ECSIT: variants seen among roughly 807,000 people sequenced by gnomAD.
ECSIT encodes evolutionarily conserved signaling intermediate in Toll pathway, mitochondrial.
In ECSIT, 29 loss-of-function variants were observed where a neutral mutation model predicts 36.8. The ratio of observed to expected loss-of-function variants is 0.79; its 90% CI spans 0.59 to 1.08. ECSIT has a LOEUF of 1.08. Among genes scored for constraint, ECSIT ranks in the 50% least tolerant of loss-of-function variants. The pLI is 0.00. For missense variants in ECSIT, 542 were observed against 581.0 expected (o/e 0.93, Z 0.69); for synonymous variants, 231 against 234.8 (o/e 0.98, Z 0.15).
rs1971935967 is a variant in ECSIT at position 11,514,089 on chromosome 19, C to T, written c.229G>A (p.Gly77Arg). 1 of 1,614,022 alleles carries T rather than the reference C, an allele frequency of 6.2e-7. No homozygotes were observed. Among genetic ancestry groups the T allele is most frequent in the South Asian group, 1.1e-5 (1 of 91,092 alleles). ...KALVPFEDLF[G>R]QAPGGERDKA... is the part of the protein sequence containing the mutation. ...TCCCGTTCCCCACCAGGCGCCTGCC[C>T]AAACAGGTCCTCAAAGGGCACCAGA... Residue 77 changes from glycine (G) to arginine (R), a missense_variant, in exon 3 of 8, where the codon GGG becomes AGG. Transcript: ENST00000270517.
chr19:11,510,782 G>A (rs1971854818), intron 4 of ECSIT: 1 of 150,898 alleles, frequency 6.6e-6, no homozygotes, highest in Non-Finnish European at 1.5e-5. Flanking sequence ...TTCTGCTGCT[G>A]GTCTCAAGCC....
intron 4 of ECSIT, among the ~76,000 whole-genome samples, chr19:11,511,402 C>G (rs902972807): frequency 6.6e-6 from 1 of 152,028 alleles, no homozygotes; most frequent in Non-Finnish European, 1.5e-5. Context: ...AGGGGTGGTG[C>G]CTTGGCCAGG....
chr19:11,515,668 T>C (rs1464994332), intron 2 of ECSIT, among the ~76,000 whole-genome samples: 2 of 152,092 alleles, frequency 1.3e-5, no homozygotes, highest in Non-Finnish European at 2.9e-5. Flanking sequence ...GGAGTCTCGC[T>C]CTGTTGCCAG....
At chr19:11,514,713 G>C (rs1971954427) in intron 2 of ECSIT, among the ~76,000 whole-genome samples, 2 of 152,002 alleles carry the variant, frequency 1.3e-5, no homozygotes, top group Non-Finnish European at 2.9e-5. Flanking sequence ...GCAGAGACGG[G>C]AGTCGCACTA....
intron 7 of ECSIT, among the ~76,000 whole-genome samples, chr19:11,506,897 A>G (rs1381168155): frequency 1.3e-5 from 2 of 151,662 alleles, no homozygotes; most frequent in Admixed American, 6.6e-5. Flanking sequence ...TAGGCTGCCC[A>G]CTCCACACTT....
At chr19:11,523,568 C>T (rs976814602) in intron 1 of ECSIT, 23 of 1,045,148 alleles carry the variant, frequency 2.2e-5, no homozygotes, top group Admixed American at 1.1e-4. Context: ...CTTAGACAAG[C>T]GCCAAGCCCA....
chr19:11,508,057 G>C lies in ECSIT; in HGVS notation c.739-9C>G, dbSNP rs1971794296. On this transcript the variant is annotated splice_polypyrimidine_tract_variant and intron_variant, in intron 4 of 7. Coordinates refer to ENST00000270517, the MANE Select transcript of ECSIT (RefSeq NM_016581.5). ...TCTTTGGGCAAAGGAACCTGCAAGGGAGAGTAGGGATATAATCTTGTAACC... is the reference window on the plus strand; with the variant it reads ...TCTTTGGGCAAAGGAACCTGCAAGGCAGAGTAGGGATATAATCTTGTAACC... The C allele has an allele frequency of 1.2e-6, 2 of 1,613,906 alleles. No homozygotes were observed. The highest frequency in any genetic ancestry group is 1.7e-5 in the Admixed American group (1 of 59,958).
At chr19:11,507,938 G>A in intron 5 of ECSIT, 53 bp downstream of exon 5, 2 of 1,613,986 alleles carry the variant, frequency 1.2e-6, no homozygotes, top group South Asian at 2.2e-5. Flanking sequence ...CGAGAACCTG[G>A]CAGGGCCTGG....
At chr19:11,528,288 G>A (rs1226984804) in intron 1 of ECSIT, among the ~76,000 whole-genome samples, 1 of 152,150 alleles carries the variant, frequency 6.6e-6, no homozygotes, top group South Asian at 2.1e-4. Context: ...GTCCTGCTCT[G>A]TTGCCCAGGC....
chr19:11,520,684 T>C (rs1363902278), intron 1 of ECSIT, among the ~76,000 whole-genome samples: 2 of 151,408 alleles, frequency 1.3e-5, no homozygotes, highest in Admixed American at 6.6e-5. Context: ...AGCTAATTTA[T>C]AGATTTTTTT....
rs1292684397 is a variant in ECSIT at position 11,505,943 on chromosome 19, A to G, written c.*241T>C. The G allele has an allele frequency of 1.2e-5, 11 of 890,986 alleles. No homozygotes were observed. In the East Asian group the frequency reaches 2.9e-4, roughly 24 times the overall value. 55.2% of individuals were successfully genotyped at this position (890,986 alleles called of 1,614,324 possible). A position where few individuals can be genotyped will look rare whatever the true frequency, so the allele number is the denominator to read the frequency against. ...GAAACTGCGCATGCGCACAACCAAC[A>G]GCGCTCCCGCCCCTTTTTATTTGAA... is the stretch of plus-strand genomic sequence containing the variant. On this transcript the variant is annotated 3_prime_UTR_variant, in exon 8 of 8. Transcript: ENST00000270517.
rs965696211 is a variant in ECSIT, at chr19:11,529,110, T to G, written c.-72A>C. The G allele has an allele frequency of 6.6e-6, 1 of 152,368 alleles. No homozygotes were observed. Among genetic ancestry groups the G allele is most frequent in the Non-Finnish European group, 1.5e-5 (1 of 68,104 alleles). 9.4% of individuals were successfully genotyped at this position (152,368 alleles called of 1,614,324 possible). A position where few individuals can be genotyped will look rare whatever the true frequency, so the allele number is the denominator to read the frequency against. On this transcript the variant is annotated 5_prime_UTR_variant, in exon 1 of 8. Coordinates refer to ENST00000270517, the MANE Select transcript of ECSIT (RefSeq NM_016581.5). Reference sequence around the variant, plus strand: ...CTCCAGGCCAGCTCTGTCTTGTTGCTGGGCGCTGCCATATTGGCCCAGAGA... The same window carrying G: ...CTCCAGGCCAGCTCTGTCTTGTTGCGGGGCGCTGCCATATTGGCCCAGAGA...
Position 11,506,205 on chromosome 19 carries a change from T to G in ECSIT, c.1275A>C (p.Arg425=), listed in dbSNP as rs34645543. The G allele has an allele frequency of 9.5e-4, 1,522 of 1,606,714 alleles. 5 individuals carry two copies. Among genetic ancestry groups the G allele is most frequent in the Admixed American group, 2.2e-3 (131 of 60,034 alleles). The part of the protein sequence containing the change: ...DHQEEDDNLQ[R]QQQGQS ...CAGACTAGCTCTGGCCCTGCTGCTG[T>G]CGCTGCAGGTTGTCGTCTTCTTCCT... is the stretch of plus-strand genomic sequence containing the variant. The change falls in exon 8 of 8, where the codon CGA becomes CGC. Residue 425 remains arginine (R), a synonymous_variant. Coordinates refer to ENST00000270517, the MANE Select transcript of ECSIT (RefSeq NM_016581.5).
chr19:11,509,379 GTT>G (rs113545500), intron 4 of ECSIT, among the ~76,000 whole-genome samples: 1 of 145,120 alleles, frequency 6.9e-6, no homozygotes. Context: ...CGCTGACAAA[GTT>G]TTTTTTTTTT....
Position 11,514,011 on chromosome 19 carries a change from T to TAA in ECSIT, c.306_307insTT (p.Lys103LeufsTer72). ...TAGATGAAGTCAATGTGGCCCCGCT[T>TAA]ACGCACGCTGTGCTCCGCAAATTTC... On this transcript the variant is annotated frameshift_variant, in exon 3 of 8. Coordinates refer to ENST00000270517, the MANE Select transcript of ECSIT (RefSeq NM_016581.5). LOFTEE classifies it high-confidence loss of function. The TAA allele has an allele frequency of 6.2e-7, 1 of 1,614,254 alleles. No homozygotes were observed. The highest frequency in any genetic ancestry group is 8.5e-7 in the Non-Finnish European group (1 of 1,180,052).
intron 1 of ECSIT, among the ~76,000 whole-genome samples, chr19:11,521,323 A>G (rs1009095706): frequency 3.3e-4 from 50 of 152,296 alleles, no homozygotes; most frequent in African/African-American, 1.1e-3. Context: ...TATGGTAACT[A>G]CATGTTTAAC....
chr19:11,508,147 C>T (rs2144966398), intron 4 of ECSIT, 99 bp from the exon 5 acceptor site: 1 of 1,423,868 alleles, frequency 7.0e-7, no homozygotes, highest in East Asian at 2.3e-5. Flanking sequence ...GAATTCAGGA[C>T]ACCTCTCCTG....
Position 11,519,044 on chromosome 19 carries a change from C to A in ECSIT, c.96+31G>T. 1 of 1,538,502 alleles carries A rather than the reference C, an allele frequency of 6.5e-7. No individual in the cohort carries two copies. Among genetic ancestry groups the A allele is most frequent in the Middle Eastern group, 1.7e-4 (1 of 5,950 alleles). On this transcript the variant is annotated intron_variant, in intron 2 of 7. Transcript: ENST00000270517. The surrounding 1 kb of genome is among the most constrained non-coding windows in gnomAD (Gnocchi z 4.4). ...GAGCAAATCCCAAGCTTACCTCCCT[C>A]TACCCAAAAGACTGCCTGGCTGGTG... is the stretch of plus-strand genomic sequence containing the variant.
At chr19:11,524,414 C>T (rs900774757) in intron 1 of ECSIT, among the ~76,000 whole-genome samples, 2 of 151,910 alleles carry the variant, frequency 1.3e-5, no homozygotes, top group Admixed American at 6.6e-5. Context: ...CCCAGTTACT[C>T]GGGAGGCTGA....
Sources: allele counts gnomAD v4.1 joint callset (sites outside exome capture counted in the v4.1 genomes callset), GRCh38; gene constraint gnomAD v4.1.1; non-coding constraint Gnocchi (gnomAD v3.1); transcripts MANE v1.5; gene names NCBI Gene and HGNC (gene_info 2026-07-23, HGNC 2026-07-21).